The following CRNKL1 variants were observed in gnomAD, a reference collection of about 807,000 sequenced individuals.
CRNKL1 encodes crooked neck-like protein 1.
In CRNKL1, 35 loss-of-function variants were observed where a neutral mutation model predicts 103.7. That is an observed-to-expected ratio of 0.34 (90% CI 0.26 to 0.45). The LOEUF (loss-of-function observed/expected upper bound fraction) is 0.45. Ranked by LOEUF, CRNKL1 falls within the 20% of genes least tolerant of loss-of-function variation. The probability of loss-of-function intolerance (pLI) is 1.00; values close to 1 mark genes in which losing one functional copy is unlikely to be tolerated. For synonymous variants in CRNKL1, 267 were observed against 282.6 expected, an observed-to-expected ratio of 0.94 and a Z score of 0.55; for missense variants, 645 against 836.0, an observed-to-expected ratio of 0.77 and a Z score of 2.82.
chr20:20,055,295 C>T (rs745639281), upstream of CRNKL1, among the ~76,000 whole-genome samples: 2 of 152,166 alleles, frequency 1.3e-5, no homozygotes, highest in Non-Finnish European at 2.9e-5. Context: ...ATTGTGTGGA[C>T]TAGAATGCCA....
At position 20,045,414 on chromosome 20, in the gene CRNKL1, G is replaced by A. The variant is rs2043578741; in HGVS notation, c.695C>T (p.Ala232Val). ...TCTCTCATACACTTTCCGTGCATGG[G>A]CAAAATAAGCATGTTTTTCTTCAAA... is the stretch of plus-strand genomic sequence containing the variant. ...ARFEEKHAYFAHARKVYERAV... is the reference protein window; with the variant it reads ...ARFEEKHAYFVHARKVYERAV... The change falls in exon 6 of 14, where the codon GCC becomes GTC. Residue 232 changes from alanine (A) to valine (V), a missense_variant. Physicochemically the swap from Ala to Val is moderately conservative, Grantham distance 64. This residue lies in a region of CRNKL1 where 582 missense variants were observed against 707.7 expected (regional missense o/e 0.82). Coordinates refer to ENST00000536226, the MANE Select transcript of CRNKL1 (RefSeq NM_001278628.2). 6.2e-7 allele frequency: 1 copy of A among 1,612,888 alleles called. No homozygotes were observed. The highest frequency in any genetic ancestry group is 1.3e-5 in the African/African-American group (1 of 74,598).
chr20:20,042,554 C>A (rs760059832), intron 7 of CRNKL1, 38 bp from the exon 8 acceptor site: 7 of 1,564,220 alleles, frequency 4.5e-6, no homozygotes, highest in Non-Finnish European at 6.1e-6. Context: ...AAAAACAAAA[C>A]CAAGAGCTGC....
chr20:20,052,436 C>G lies in CRNKL1; in HGVS notation c.-94G>C, dbSNP rs147785600. Reference sequence around the variant, plus strand: ...CCGAAACCACAAAGCTTTCAGAAAACAAACAGGATCTCGGAACCGGAAGCG... The same window carrying G: ...CCGAAACCACAAAGCTTTCAGAAAAGAAACAGGATCTCGGAACCGGAAGCG... On this transcript the variant is annotated 5_prime_UTR_variant, in exon 1 of 14. Transcript: ENST00000536226. The G allele has an allele frequency of 1.6e-5, 26 of 1,614,118 alleles. No homozygotes were observed. Among genetic ancestry groups the G allele is most frequent in the African/African-American group, 8.0e-5 (6 of 74,936 alleles).
intron 2 of CRNKL1, 55 bp from the exon 3 acceptor site, chr20:20,049,486 A>G: frequency 1.1e-6 from 1 of 883,660 alleles, no homozygotes; most frequent in Non-Finnish European, 1.8e-6. Flanking sequence ...AAATGACAGC[A>G]CCCTTGGTCT....
intron 7 of CRNKL1, 133 bp downstream of exon 7, chr20:20,043,359 A>G (rs1474900500): frequency 4.6e-6 from 4 of 863,920 alleles, no homozygotes; most frequent in East Asian, 2.5e-5. Context: ...ATAGCTGCCA[A>G]TTGGATCACG....
intron 2 of CRNKL1, 125 bp from the exon 3 acceptor site, chr20:20,049,556 C>G (rs1292169131): frequency 1.4e-5 from 8 of 585,032 alleles, no homozygotes; most frequent in Non-Finnish European, 2.4e-5. Context: ...GAAATTACAT[C>G]CTGGAATCCT....
Position 20,050,623 on chromosome 20 carries a change from C to T in CRNKL1, c.52-1G>A, listed in dbSNP as rs1427873100. ...CCTCAGCCGGGGCTTTGTTTTTCAC[C>T]TTTTAAGAAAGAAGACATTTCTATT... On this transcript the variant is annotated splice_acceptor_variant, in intron 1 of 13. Transcript: ENST00000536226. LOFTEE classifies it high-confidence loss of function. 1 of 1,592,630 alleles carries T rather than the reference C, an allele frequency of 6.3e-7. No homozygotes were observed. Among genetic ancestry groups the T allele is most frequent in the African/African-American group, 1.4e-5 (1 of 73,332 alleles).
chr20:20,048,650 C>T (rs2043633013), intron 3 of CRNKL1, 149 bp from the exon 4 acceptor site: 2 of 678,008 alleles, frequency 2.9e-6, no homozygotes, highest in Non-Finnish European at 4.9e-6. Context: ...ATATAATGCT[C>T]TCAAGTACCT....
rs1327340475 is a variant in CRNKL1, at chr20:20,043,626, C to G, written c.838G>C (p.Asp280His). ...TGGGCATCTTGTTTTGAAATTCTGT[C>G]CAGGGCATACTTGTAAATCACTCGT... ...RVRVIYKYAL[D>H]RISKQDAQEL... is the part of the protein sequence containing the mutation. The change falls in exon 7 of 14, where the codon GAC becomes CAC. Residue 280 changes from aspartate to histidine, a missense_variant. Around this residue, in one of 2 missense-constraint regions of CRNKL1, gnomAD observed 582 missense variants for 707.7 expected, o/e 0.82. Coordinates refer to ENST00000536226, the MANE Select transcript of CRNKL1 (RefSeq NM_001278628.2). 1.2e-6 allele frequency: 2 copies of G among 1,613,898 alleles called. No individual in the cohort carries two copies. Among genetic ancestry groups the G allele is most frequent in the South Asian group, 2.2e-5 (2 of 91,070 alleles).
At chr20:20,039,913 C>CAGA in intron 10 of CRNKL1, 65 bp from the exon 11 acceptor site, 1 of 1,543,386 alleles carries the variant, frequency 6.5e-7, no homozygotes, top group Non-Finnish European at 8.8e-7. Context: ...AGTTATTGCA[C>CAGA]TGCCCTAGAG....
Position 20,042,325 on chromosome 20 carries a change from C to T in CRNKL1, c.1164G>A (p.Lys388=). 1 of 1,581,294 alleles carries T rather than the reference C, an allele frequency of 6.3e-7. No individual in the cohort carries two copies. The highest frequency in any genetic ancestry group is 8.6e-7 in the Non-Finnish European group (1 of 1,164,668). The change falls in exon 8 of 14, where the codon AAG becomes AAA. Residue 388 remains lysine (K), a splice_region_variant and synonymous_variant. Coordinates refer to ENST00000536226, the MANE Select transcript of CRNKL1 (RefSeq NM_001278628.2). ...CTGACACATAATTCTGTTTTTTCAC[C>T]TTTGCCTCCAATTCTTCATAGAGTG... The part of the protein sequence containing the change: ...NYALYEELEA[K]DPERTRQVYQ...
At chr20:20,038,300 G>T in intron 12 of CRNKL1, 49 bp downstream of exon 12, 2 of 1,104,986 alleles carry the variant, frequency 1.8e-6, no homozygotes, top group Non-Finnish European at 2.7e-6. Flanking sequence ...ATTTTCTTCT[G>T]GACTGCTGAT....
Position 20,036,165 on chromosome 20 carries a change from A to C in CRNKL1, c.*30T>G. The C allele has an allele frequency of 6.3e-7, 1 of 1,598,688 alleles. No individual in the cohort carries two copies. Among genetic ancestry groups the C allele is most frequent in the Non-Finnish European group, 8.5e-7 (1 of 1,172,312 alleles). On this transcript the variant is annotated 3_prime_UTR_variant, in exon 14 of 14. Coordinates refer to ENST00000536226, the MANE Select transcript of CRNKL1 (RefSeq NM_001278628.2). ...AGTTCCAAACAATTAATTTATAAAA[A>C]TAACAAAACATTTGTCTATGAAAAA...
In CRNKL1 at chr20:20,048,332, C is replaced by G; in HGVS notation, c.455+11G>C. On this transcript the variant is annotated intron_variant, in intron 4 of 13. Coordinates refer to ENST00000536226, the MANE Select transcript of CRNKL1 (RefSeq NM_001278628.2). ...TCTATAAAAGGCTGTTTTGTTAGATCAGAAACTTACCAGAACTGATTAACT... is the reference window on the plus strand; with the variant it reads ...TCTATAAAAGGCTGTTTTGTTAGATGAGAAACTTACCAGAACTGATTAACT... 1 of 1,613,868 alleles carries G rather than the reference C, an allele frequency of 6.2e-7. No homozygotes were observed.
chr20:20,053,520 C>T (rs948359941), upstream of CRNKL1, among the ~76,000 whole-genome samples: 11 of 152,156 alleles, frequency 7.2e-5, no homozygotes, highest in Non-Finnish European at 1.5e-4. Context: ...CATGACTTGG[C>T]AGCTCATTTG....
chr20:20,038,603 T>C (rs1241508291), intron 11 of CRNKL1, 153 bp from the exon 12 acceptor site: 2 of 530,972 alleles, frequency 3.8e-6, no homozygotes, highest in Admixed American at 3.7e-5. Context: ...ATAAATAACA[T>C]TGGTATCTAT....
intron 3 of CRNKL1, 62 bp downstream of exon 3, chr20:20,049,278 C>G (rs1352670145): frequency 1.0e-6 from 1 of 974,770 alleles, no homozygotes; most frequent in East Asian, 2.4e-5. Context: ...TTCTTCTTTT[C>G]TTTTTGGTAT....
rs867551097 is a variant in CRNKL1, at chr20:20,039,596, T to G, written c.1545+13A>C. The G allele has an allele frequency of 1.9e-6, 3 of 1,612,794 alleles. No homozygotes were observed. The highest frequency in any genetic ancestry group is 1.7e-4 in the Middle Eastern group (1 of 6,052). On this transcript the variant is annotated intron_variant, in intron 11 of 13. Transcript: ENST00000536226. ...TATCTCAAACAAAATTATATTTGACTTGAGATGCTCACCTCTGGCATGTCT... is the reference window on the plus strand; with the variant it reads ...TATCTCAAACAAAATTATATTTGACGTGAGATGCTCACCTCTGGCATGTCT...
At position 20,042,373 on chromosome 20, in the gene CRNKL1, G is replaced by A. The variant is rs553862251; in HGVS notation, c.1116C>T (p.Tyr372=). 18 of 1,613,860 alleles carry A rather than the reference G, an allele frequency of 1.1e-5. 1 individual carries two copies. In the South Asian group the frequency reaches 1.6e-4, roughly 15 times the overall value. ...GTGCATAGTTGATCCAAAGATAAAT[G>A]TAGCGCTTCCAGTGCCTCTTCTCCT... The part of the protein sequence containing the change: ...PIQEKRHWKR[Y]IYLWINYALY... The change falls in exon 8 of 14, where the codon TAC becomes TAT. Residue 372 remains tyrosine, a synonymous_variant. Transcript: ENST00000536226.
Sources: allele counts gnomAD v4.1 joint callset (sites outside exome capture counted in the v4.1 genomes callset), GRCh38; gene constraint gnomAD v4.1.1; regional missense constraint gnomAD v4.1.1; transcripts MANE v1.5; gene names NCBI Gene and HGNC (gene_info 2026-07-23, HGNC 2026-07-21).